The following RAB11FIP5 variants were observed in gnomAD, a reference collection of about 807,000 sequenced individuals.
RAB11FIP5 encodes RAB11 family interacting protein 5.
In RAB11FIP5, 48 loss-of-function variants were observed where a neutral mutation model predicts 85.1. That is an observed-to-expected ratio of 0.56 (90% CI 0.45 to 0.72). The LOEUF (loss-of-function observed/expected upper bound fraction) is 0.72, where lower values mean the gene tolerates loss of function less well. Ranked by LOEUF, RAB11FIP5 falls within the 30% of genes least tolerant of loss-of-function variation. The pLI is 0.00. For missense variants in RAB11FIP5, 1,491 were observed against 1,687.0 expected, an observed-to-expected ratio of 0.88 and a Z score of 2.04; for synonymous variants, 729 against 727.3, an observed-to-expected ratio of 1.00 and a Z score of -0.04.
At chr2:73,097,241 T>C (rs1417099630) in intron 1 of RAB11FIP5, among the ~76,000 whole-genome samples, 1 of 152,094 alleles carries the variant, frequency 6.6e-6, no homozygotes, top group Non-Finnish European at 1.5e-5. Flanking sequence ...TTTTCCATGT[T>C]GGTCACACTG....
At chr2:73,110,328 T>C (rs1684612486) in intron 1 of RAB11FIP5, among the ~76,000 whole-genome samples, 1 of 152,220 alleles carries the variant, frequency 6.6e-6, no homozygotes, top group South Asian at 2.1e-4. Flanking sequence ...CCACCAGGAA[T>C]GACCACTACA....
At position 73,089,110 on chromosome 2, in the gene RAB11FIP5, G is replaced by A; in HGVS notation, c.637C>T (p.Pro213Ser). 6.2e-7 allele frequency: 1 copy of A among 1,614,212 alleles called. No homozygotes were observed. Among genetic ancestry groups the A allele is most frequent in the Non-Finnish European group, 8.5e-7 (1 of 1,180,034 alleles). Reference protein sequence around the residue: ...YDLESASAILPSSAIEDPDLG... With the variant: ...YDLESASAILSSSAIEDPDLG... ...TCAGGATCCTCTATGGCGCTGCTTG[G>A]GAGGATGGCAGAGGCAGATTCCAGA... Residue 213 changes from proline (P) to serine (S), a missense_variant, in exon 2 of 6, where the codon CCA (proline) becomes TCA (serine). Physicochemically the swap from Pro to Ser is moderately conservative, Grantham distance 74. Around this residue, in one of 3 missense-constraint regions of RAB11FIP5, gnomAD observed 1,211 missense variants for 1,338.0 expected, o/e 0.91. Coordinates refer to ENST00000486777, the MANE Select transcript of RAB11FIP5 (RefSeq NM_001371272.1). This position sits in a 1 kb window ranked among gnomAD's most constrained non-coding sequence, Gnocchi z 4.6.
At chr2:73,082,144 T>C in intron 3 of RAB11FIP5, among the ~76,000 whole-genome samples, 1 of 151,734 alleles carries the variant, frequency 6.6e-6, no homozygotes, top group East Asian at 1.9e-4. Context: ...CAAGCCATTC[T>C]TGTGCCTCAG....
At chr2:73,096,214 C>T (rs1355520405) in intron 1 of RAB11FIP5, among the ~76,000 whole-genome samples, 4 of 152,224 alleles carry the variant, frequency 2.6e-5, no homozygotes, top group Non-Finnish European at 5.9e-5. Flanking sequence ...ACCAAGATTA[C>T]AGCCCTAGTT....
chr2:73,075,935 G>T lies in RAB11FIP5; in HGVS notation c.3771+58C>A, dbSNP rs1683849932. 5.8e-6 allele frequency: 9 copies of T among 1,561,864 alleles called. No individual in the cohort carries two copies. Among genetic ancestry groups the T allele is most frequent in the Middle Eastern group, 1.8e-4 (1 of 5,482 alleles). ...CCTGCCCCACCCTCACCAGGACCAAGCCCTGAGACTCCACCACACATTCTG... is the reference window on the plus strand; with the variant it reads ...CCTGCCCCACCCTCACCAGGACCAATCCCTGAGACTCCACCACACATTCTG... On this transcript the variant is annotated intron_variant, in intron 5 of 5. Transcript: ENST00000486777. The surrounding 1 kb of genome is among the most constrained non-coding windows in gnomAD (Gnocchi z 4.6).
chr2:73,112,460 G>C lies in RAB11FIP5; in HGVS notation c.318C>G (p.Cys106Trp). 6.7e-7 allele frequency: 1 copy of C among 1,495,978 alleles called. No homozygotes were observed. Among genetic ancestry groups the C allele is most frequent in the Non-Finnish European group, 8.8e-7 (1 of 1,132,862 alleles). 92.7% of individuals were successfully genotyped at this position (1,495,978 alleles called of 1,614,324 possible). The change falls in exon 1 of 6, where the codon TGC becomes TGG. Residue 106 changes from cysteine to tryptophan, a missense_variant. Transcript: ENST00000486777. ...APWAASSAAA[C>W]ELVLTTMHRS... ...GGTGCATGGTGGTGAGCACCAGCTC[G>C]CAGGCGGCGGCGGAGCTCGCGGCCC...
At chr2:73,111,355 G>C (rs1018360438) in intron 1 of RAB11FIP5, among the ~76,000 whole-genome samples, 1 of 152,076 alleles carries the variant, frequency 6.6e-6, no homozygotes, top group African/African-American at 2.4e-5. Context: ...AAACCTTTCC[G>C]GCACCTCTCC....
intron 1 of RAB11FIP5, 132 bp downstream of exon 1, chr2:73,112,215 T>G: frequency 9.3e-7 from 1 of 1,080,072 alleles, no homozygotes; most frequent in Non-Finnish European, 1.2e-6. Flanking sequence ...GAACCAACGT[T>G]TCTGTCGGTT....
Position 73,086,542 on chromosome 2 carries a change from C to T in RAB11FIP5, c.1568+1508G>A, listed in dbSNP as rs889287404. On this transcript the variant is annotated intron_variant, in intron 3 of 5. Transcript: ENST00000486777. This position sits in a 1 kb window ranked among gnomAD's most constrained non-coding sequence, Gnocchi z 4.4. ...TGCCCCAGAAAAGGCCCAGAGACACCGTACGCACAACCACACTGAGCCTGT... is the reference window on the plus strand; with the variant it reads ...TGCCCCAGAAAAGGCCCAGAGACACTGTACGCACAACCACACTGAGCCTGT... 3.3e-5 allele frequency among the ~76,000 whole-genome samples: 5 copies of T among 152,210 alleles called. No individual in the cohort carries two copies. The highest frequency in any genetic ancestry group is 7.3e-5 in the Non-Finnish European group (5 of 68,042).
chr2:73,087,954 G>A lies in RAB11FIP5; in HGVS notation c.1568+96C>T, dbSNP rs139012711. Reference sequence around the variant, plus strand: ...CCAGAGCCCCAGCAGCCTGCCTGAGGTCCATATCTACTCCTTCCTCCCTGC... The same window carrying A: ...CCAGAGCCCCAGCAGCCTGCCTGAGATCCATATCTACTCCTTCCTCCCTGC... On this transcript the variant is annotated intron_variant, in intron 3 of 5. Transcript: ENST00000486777. The A allele has an allele frequency of 2.6e-4, 315 of 1,228,588 alleles. 2 individuals carry two copies. In the African/African-American group the frequency reaches 4.3e-3, roughly 17 times the overall value. 76.1% of individuals were successfully genotyped at this position (1,228,588 alleles called of 1,614,324 possible). A position where few individuals can be genotyped will look rare whatever the true frequency, so the allele number is the denominator to read the frequency against.
Position 73,081,056 on chromosome 2 carries a change from G to C in RAB11FIP5, c.2176C>G (p.Leu726Val). ...SSVWLEPRVP[L>V]DLGPNHQSAS... is the part of the protein sequence containing the mutation. The stretch of plus-strand genomic sequence containing the variant: ...CTCTGGTGGTTCGGTCCCAAGTCCA[G>C]AGGAACCCTGGGCTCCAGCCACACG... Residue 726 changes from leucine to valine, a missense_variant, in exon 4 of 6, where the codon CTG becomes GTG. Around this residue, in one of 3 missense-constraint regions of RAB11FIP5, gnomAD observed 1,211 missense variants for 1,338.0 expected, o/e 0.91. Transcript: ENST00000486777. The surrounding 1 kb of genome is among the most constrained non-coding windows in gnomAD (Gnocchi z 4.2). 1 of 1,232,978 alleles carries C rather than the reference G, an allele frequency of 8.1e-7. No homozygotes were observed. Among genetic ancestry groups the C allele is most frequent in the Non-Finnish European group, 1.0e-6 (1 of 988,682 alleles). The allele number at this position is 1,232,978 out of a possible 1,614,324, so 76.4% of individuals were successfully genotyped here. A position where few individuals can be genotyped will look rare whatever the true frequency, so the allele number is the denominator to read the frequency against.
chr2:73,109,538 G>T (rs1322752067), intron 1 of RAB11FIP5, among the ~76,000 whole-genome samples: 1 of 152,204 alleles, frequency 6.6e-6, no homozygotes, highest in African/African-American at 2.4e-5. Context: ...CAGTCTCCAG[G>T]TTTTTAAGCC....
chr2:73,084,621 G>T (rs181899974), intron 3 of RAB11FIP5, among the ~76,000 whole-genome samples: 1 of 152,296 alleles, frequency 6.6e-6, no homozygotes, highest in Admixed American at 6.5e-5. Context: ...CTCAACACAG[G>T]AACCACCTGT....
chr2:73,078,517 G>A lies in RAB11FIP5; in HGVS notation c.3581+1134C>T, dbSNP rs1189183992. Reference sequence around the variant, plus strand: ...CCACCACCAGGGAGGGACACTGGGGGCAGCCTGGACTCCCTCCCACCCACT... The same window carrying A: ...CCACCACCAGGGAGGGACACTGGGGACAGCCTGGACTCCCTCCCACCCACT... On this transcript the variant is annotated intron_variant, in intron 4 of 5. Transcript: ENST00000486777. This position sits in a 1 kb window ranked among gnomAD's most constrained non-coding sequence, Gnocchi z 4.4. 6.6e-6 allele frequency among the ~76,000 whole-genome samples: 1 copy of A among 152,200 alleles called. No individual in the cohort carries two copies. Among genetic ancestry groups the A allele is most frequent in the Non-Finnish European group, 1.5e-5 (1 of 68,026 alleles).
chr2:73,094,717 G>A (rs942545642), intron 1 of RAB11FIP5, among the ~76,000 whole-genome samples: 3 of 152,026 alleles, frequency 2.0e-5, no homozygotes, highest in Non-Finnish European at 4.4e-5. Flanking sequence ...ACACTCAATC[G>A]GTACCCAGGA....
Position 73,076,163 on chromosome 2 carries a change from G to A in RAB11FIP5, c.3601C>T (p.Leu1201Phe), listed in dbSNP as rs777455123. The change falls in exon 5 of 6, where the codon CTC (leucine) becomes TTC (phenylalanine). Residue 1201 changes from leucine (L) to phenylalanine (F), a missense_variant. By Grantham distance (22) the Leu-to-Phe change is conservative. Around this residue, in one of 3 missense-constraint regions of RAB11FIP5, gnomAD observed 232 missense variants for 259.1 expected, o/e 0.90. Transcript: ENST00000486777. ...CTGCCCTCCACAGGGGCGGCACTGA[G>A]GGGCTTCACGGGGTGGGGACTGCAA... ...PSASPHPVKPLSAAPVEGSPD... is the reference protein window; with the variant it reads ...PSASPHPVKPFSAAPVEGSPD... 4 of 1,610,376 alleles carry A rather than the reference G, an allele frequency of 2.5e-6. No homozygotes were observed. The highest frequency in any genetic ancestry group is 3.4e-6 in the Non-Finnish European group (4 of 1,177,248).
At position 73,080,277 on chromosome 2, in the gene RAB11FIP5, A is replaced by T. The variant is rs1683946321; in HGVS notation, c.2955T>A (p.Pro985=). 2 of 1,232,726 alleles carry T rather than the reference A, an allele frequency of 1.6e-6. No homozygotes were observed. Among genetic ancestry groups the T allele is most frequent in the Non-Finnish European group, 2.0e-6 (2 of 988,648 alleles). 76.4% of individuals were successfully genotyped at this position (1,232,726 alleles called of 1,614,324 possible). The part of the protein sequence containing the change: ...LEELVEDASP[P]VSGPCLSAPA... ...GTGCAGACAGGCAGGGCCCAGACAC[A>T]GGGGGGCTGGCATCCTCCACTAGCT... Residue 985 remains proline (P), a synonymous_variant, in exon 4 of 6, where the codon CCT becomes CCA. Transcript: ENST00000486777.
chr2:73,107,728 G>A (rs1399700274), intron 1 of RAB11FIP5, among the ~76,000 whole-genome samples: 1 of 152,302 alleles, frequency 6.6e-6, no homozygotes, highest in Middle Eastern at 3.4e-3. Flanking sequence ...GCATACCAAC[G>A]ACTGGCTTCT....
intron 1 of RAB11FIP5, among the ~76,000 whole-genome samples, chr2:73,103,992 T>C (rs1462944767): frequency 1.3e-5 from 2 of 152,142 alleles, no homozygotes; most frequent in East Asian, 3.9e-4. Flanking sequence ...TGCCAAGGTC[T>C]CAGTTCAGAC....
Sources: gnomAD v4.1 joint callset for allele counts (sites outside exome capture counted in the v4.1 genomes callset) on GRCh38, gnomAD v4.1.1 for gene constraint, gnomAD v4.1.1 regional missense constraint, Gnocchi (gnomAD v3.1) non-coding constraint, MANE v1.5 for transcripts, NCBI Gene and HGNC (gene_info 2026-07-23, HGNC 2026-07-21) for gene names.